Variants in SPOCK3 observed in about 807,000 individuals in gnomAD.
SPOCK3 encodes the protein SPARC (osteonectin), cwcv and kazal like domains proteoglycan 3, also known as testican-3.
A neutral mutation model predicts 56.6 loss-of-function variants in SPOCK3; 30 were observed. That is an observed-to-expected ratio of 0.53 (90% CI 0.40 to 0.72). The LOEUF is 0.72. Ranked by LOEUF, SPOCK3 falls within the 30% of genes least tolerant of loss-of-function variation. The probability of loss-of-function intolerance (pLI) is 0.00; values close to 1 mark genes in which losing one functional copy is unlikely to be tolerated. For missense variants in SPOCK3, 527 were observed against 530.0 expected (o/e 0.99, Z 0.06); for synonymous variants, 196 against 183.3 (o/e 1.07, Z -0.56).
intron 2 of SPOCK3, among the ~76,000 whole-genome samples, chr4:167,113,858 C>T (rs768835682): frequency 3.9e-4 from 60 of 152,042 alleles, no homozygotes; most frequent in Middle Eastern, 3.2e-3. Flanking sequence ...AGCTGCAGTG[C>T]TTTGCTCCTT....
Position 167,043,579 on chromosome 4 carries a change from A to G in SPOCK3, c.235+18913T>C, listed in dbSNP as rs143229724. On this transcript the variant is annotated intron_variant, in intron 3 of 10. Transcript: ENST00000357545. ...ATGATGGTAGCTACAGGTTTTTTAT[A>G]GATGTTCTTTATCAGGTTGCAGAAG... 2.5e-3 allele frequency among the ~76,000 whole-genome samples: 382 copies of G among 152,072 alleles called. 1 individual carries two copies. The highest frequency in any genetic ancestry group is 8.5e-3 in the African/African-American group (352 of 41,524).
At chr4:167,120,191 A>G (rs540153528) in intron 2 of SPOCK3, among the ~76,000 whole-genome samples, 2 of 152,130 alleles carry the variant, frequency 1.3e-5, no homozygotes, top group East Asian at 3.9e-4. Context: ...CTTAGTTTAG[A>G]TCCTTGCTCT....
chr4:167,037,782 T>A, intron 3 of SPOCK3, among the ~76,000 whole-genome samples: 1 of 152,244 alleles, frequency 6.6e-6, no homozygotes, highest in Admixed American at 6.5e-5. Context: ...ATCTGGTTCA[T>A]ACCAAATATA....
intron 3 of SPOCK3, among the ~76,000 whole-genome samples, chr4:167,007,094 T>C (rs565472880): frequency 1.3e-5 from 2 of 152,216 alleles, no homozygotes; most frequent in South Asian, 4.1e-4. Flanking sequence ...TGCATTCACC[T>C]TGAAGCCTTA....
intron 4 of SPOCK3, among the ~76,000 whole-genome samples, chr4:166,989,529 A>T (rs1199480088): frequency 6.6e-6 from 1 of 152,164 alleles, no homozygotes; most frequent in Non-Finnish European, 1.5e-5. Flanking sequence ...TTTCTGTAAG[A>T]GTAAATAAGT....
intron 4 of SPOCK3, among the ~76,000 whole-genome samples, chr4:166,990,969 C>T (rs889025813): frequency 2.6e-5 from 4 of 152,042 alleles, no homozygotes; most frequent in Admixed American, 1.3e-4. Context: ...AGCACCTGTC[C>T]ATCAAGTACT....
chr4:166,980,315 A>C (rs1160861950), intron 4 of SPOCK3, among the ~76,000 whole-genome samples: 1 of 152,250 alleles, frequency 6.6e-6, no homozygotes, highest in Admixed American at 6.5e-5. Context: ...TGAATAAATG[A>C]ATGAAGAGAT....
intron 6 of SPOCK3, among the ~76,000 whole-genome samples, chr4:166,812,805 C>G (rs1181233195): frequency 6.6e-6 from 1 of 151,998 alleles, no homozygotes; most frequent in Non-Finnish European, 1.5e-5. Flanking sequence ...AAAGTTCACA[C>G]ATACACACAT....
intron 6 of SPOCK3, among the ~76,000 whole-genome samples, chr4:166,857,188 C>T (rs1730781024): frequency 6.6e-6 from 1 of 152,194 alleles, no homozygotes. Context: ...GGTAGTTTCT[C>T]TCTGTTTATC....
chr4:167,012,044 T>A (rs1750126235), intron 3 of SPOCK3, among the ~76,000 whole-genome samples: 1 of 151,932 alleles, frequency 6.6e-6, no homozygotes. Flanking sequence ...TTTTTCAAGG[T>A]TGGGATGAAT....
chr4:166,997,577 T>C (rs1748515390), intron 4 of SPOCK3, among the ~76,000 whole-genome samples: 1 of 152,094 alleles, frequency 6.6e-6, no homozygotes, highest in Non-Finnish European at 1.5e-5. Context: ...ACTAACCTCC[T>C]CAAAGAAAAC....
intron 4 of SPOCK3, among the ~76,000 whole-genome samples, chr4:166,922,205 A>G (rs755630843): frequency 2.6e-5 from 4 of 152,180 alleles, no homozygotes; most frequent in African/African-American, 7.2e-5. Context: ...TTGGTGCCAA[A>G]AAGATTGGGG....
chr4:166,934,067 A>C (rs984606492), intron 4 of SPOCK3, among the ~76,000 whole-genome samples: 4 of 152,196 alleles, frequency 2.6e-5, no homozygotes, highest in Middle Eastern at 3.2e-3. Context: ...ACTCTTCATA[A>C]TTCTTAATAA....
At chr4:167,042,532 C>A (rs1010209273) in intron 3 of SPOCK3, among the ~76,000 whole-genome samples, 2 of 152,110 alleles carry the variant, frequency 1.3e-5, no homozygotes, top group East Asian at 3.9e-4. Flanking sequence ...CTGTTAAAGT[C>A]CTACCTAGTT....
At chr4:166,793,180 A>G (rs750111346) in intron 6 of SPOCK3, among the ~76,000 whole-genome samples, 1 of 152,172 alleles carries the variant, frequency 6.6e-6, no homozygotes, top group Non-Finnish European at 1.5e-5. Context: ...CTAACAAGTA[A>G]TTCATGCTAA....
intron 8 of SPOCK3, among the ~76,000 whole-genome samples, chr4:166,743,882 G>T (rs1735205564): frequency 6.6e-6 from 1 of 152,180 alleles, no homozygotes. Context: ...AGATCCAACT[G>T]TGAGGCATCA....
intron 2 of SPOCK3, among the ~76,000 whole-genome samples, chr4:167,095,600 T>A (rs1759083811): frequency 6.6e-6 from 1 of 151,598 alleles, no homozygotes; most frequent in Non-Finnish European, 1.5e-5. Flanking sequence ...GTTACCAATA[T>A]CAAAATATAA....
At chr4:166,987,701 T>G (rs751147474) in intron 4 of SPOCK3, among the ~76,000 whole-genome samples, 1 of 152,214 alleles carries the variant, frequency 6.6e-6, no homozygotes, top group Non-Finnish European at 1.5e-5. Flanking sequence ...AAAAGTAGTT[T>G]CACTGCTTTA....
chr4:166,931,164 T>C (rs751086523), intron 4 of SPOCK3, among the ~76,000 whole-genome samples: 2 of 152,250 alleles, frequency 1.3e-5, no homozygotes, highest in African/African-American at 2.4e-5. Flanking sequence ...GCACTTTTAG[T>C]GGAGATGGGG....
Sources: gnomAD v4.1 joint callset for allele counts (sites outside exome capture counted in the v4.1 genomes callset) on GRCh38, gnomAD v4.1.1 for gene constraint, MANE v1.5 for transcripts, NCBI Gene and HGNC (gene_info 2026-07-23, HGNC 2026-07-21) for gene names.